Variants in CNTN5 observed in about 807,000 individuals in gnomAD.
The protein encoded by CNTN5 is contactin-5.
A neutral mutation model predicts 129.1 loss-of-function variants in CNTN5; 77 were observed. The observed-to-expected ratio is 0.60, with a 90% confidence interval of 0.50 to 0.72. CNTN5 has a LOEUF of 0.72. Ranked by LOEUF, CNTN5 falls within the 30% of genes least tolerant of loss-of-function variation. The pLI is 0.00. For missense variants in CNTN5, 1,478 were observed against 1,328.8 expected (o/e 1.11, Z -1.75); for synonymous variants, 509 against 465.6 (o/e 1.09, Z -1.20).
At chr11:100,277,998 A>G (rs760935810) in intron 18 of CNTN5, among the ~76,000 whole-genome samples, 5 of 152,098 alleles carry the variant, frequency 3.3e-5, no homozygotes, top group African/African-American at 7.2e-5. Flanking sequence ...ATGGCAAGGT[A>G]TAAGAGTCTA....
chr11:100,257,697 CCTGA>C (rs1950104771), intron 17 of CNTN5, among the ~76,000 whole-genome samples: 1 of 152,066 alleles, frequency 6.6e-6, no homozygotes, highest in African/African-American at 2.4e-5. Flanking sequence ...AGCAGAGGGA[CCTGA>C]CTATTAGAAG....
At position 99,858,986 on chromosome 11, in the gene CNTN5, A is replaced by C. The variant is rs1020451763; in HGVS notation, c.577+13724A>C. ...TATTTACATTTCTAAACATTTGAAC[A>C]TTAGGAAACTGTGCCTGAAGGAGGT... On this transcript the variant is annotated intron_variant, in intron 6 of 24. Coordinates refer to ENST00000524871, the MANE Select transcript of CNTN5 (RefSeq NM_014361.4). 3.9e-5 allele frequency among the ~76,000 whole-genome samples: 6 copies of C among 152,154 alleles called. No individual in the cohort carries two copies. The South Asian group carries it at 1.0e-3, about 26-fold the overall frequency.
At chr11:99,818,602 C>T (rs1232267188) in intron 3 of CNTN5, among the ~76,000 whole-genome samples, 1 of 152,154 alleles carries the variant, frequency 6.6e-6, no homozygotes, top group Non-Finnish European at 1.5e-5. Context: ...AGCAAATTGT[C>T]CAGCTTAATT....
chr11:99,842,630 A>G (rs2083614), intron 4 of CNTN5, among the ~76,000 whole-genome samples: 45,489 of 152,100 alleles, frequency 0.3, 7,780 homozygotes, highest in Middle Eastern at 0.45. Context: ...TTAATGTTTA[A>G]GTCATAGTTT....
At chr11:99,222,350 G>A (rs1441224668) in intron 1 of CNTN5, among the ~76,000 whole-genome samples, 3 of 151,780 alleles carry the variant, frequency 2.0e-5, no homozygotes, top group Non-Finnish European at 4.4e-5. Flanking sequence ...AGGAAGAATG[G>A]GGGTTGGGGG....
intron 7 of CNTN5, among the ~76,000 whole-genome samples, chr11:99,933,754 A>G (rs75506179): frequency 1.3e-3 from 194 of 152,336 alleles, no homozygotes; most frequent in Non-Finnish European, 1.9e-3. Context: ...TAATGATAGA[A>G]CCACAGTTAT....
chr11:99,299,537 TAAAC>T (rs1399270116), intron 1 of CNTN5, among the ~76,000 whole-genome samples: 2 of 152,110 alleles, frequency 1.3e-5, no homozygotes, highest in African/African-American at 2.4e-5. Flanking sequence ...TAAAGAAAAA[TAAAC>T]AGAGTCTCAA....
At chr11:99,847,061 A>G (rs2135707360) in intron 6 of CNTN5, among the ~76,000 whole-genome samples, 1 of 152,374 alleles carries the variant, frequency 6.6e-6, no homozygotes, top group East Asian at 1.9e-4. Flanking sequence ...AGATAGATGC[A>G]GAATATCAAG....
chr11:99,082,246 C>T (rs773518480), intron 1 of CNTN5, among the ~76,000 whole-genome samples: 17 of 146,356 alleles, frequency 1.2e-4, no homozygotes, highest in African/African-American at 3.8e-4. Context: ...AGTGCAGTGG[C>T]GTGATGTCTG....
chr11:99,627,745 A>C (rs898014088), intron 3 of CNTN5, among the ~76,000 whole-genome samples: 2 of 151,916 alleles, frequency 1.3e-5, no homozygotes, highest in African/African-American at 4.8e-5. Flanking sequence ...GGTCTTTAAT[A>C]TCTGGGCCAG....
At chr11:100,301,175 C>T (rs1489476712) in intron 20 of CNTN5, among the ~76,000 whole-genome samples, 1 of 151,480 alleles carries the variant, frequency 6.6e-6, no homozygotes, top group Non-Finnish European at 1.5e-5. Context: ...TATTCTTTTT[C>T]CTTTTAAAAT....
At chr11:99,486,912 T>G (rs913062340) in intron 2 of CNTN5, among the ~76,000 whole-genome samples, 1 of 152,184 alleles carries the variant, frequency 6.6e-6, no homozygotes, top group African/African-American at 2.4e-5. Flanking sequence ...ATAAGGCTTA[T>G]AGACAGTGAG....
intron 8 of CNTN5, among the ~76,000 whole-genome samples, chr11:99,971,704 T>G (rs867547724): frequency 1.3e-5 from 2 of 151,956 alleles, no homozygotes; most frequent in African/African-American, 2.4e-5. Flanking sequence ...TCCCACAGAT[T>G]GAAATTATAT....
chr11:100,193,470 G>T lies in CNTN5; in HGVS notation c.1709-18G>T, dbSNP rs78196416. The T allele has an allele frequency of 7.0e-7, 1 of 1,432,030 alleles. No homozygotes were observed. The highest frequency in any genetic ancestry group is 9.5e-7 in the Non-Finnish European group (1 of 1,057,104). The allele number at this position is 1,432,030 out of a possible 1,614,324, so 88.7% of individuals were successfully genotyped here. A position where few individuals can be genotyped will look rare whatever the true frequency, so the allele number is the denominator to read the frequency against. ...CAACAGGTTGATTATCTTAATTAACGTATTTTTATTTCTATAGAACCTACA... is the reference window on the plus strand; with the variant it reads ...CAACAGGTTGATTATCTTAATTAACTTATTTTTATTTCTATAGAACCTACA... On this transcript the variant is annotated intron_variant, in intron 14 of 24. Transcript: ENST00000524871.
chr11:99,951,341 A>G (rs946241617), intron 7 of CNTN5, among the ~76,000 whole-genome samples: 2 of 151,548 alleles, frequency 1.3e-5, no homozygotes, highest in Admixed American at 6.6e-5. Flanking sequence ...GCTCTATCTG[A>G]TATTTTCATA....
At chr11:99,894,923 T>C (rs1230787363) in intron 6 of CNTN5, among the ~76,000 whole-genome samples, 1 of 152,210 alleles carries the variant, frequency 6.6e-6, no homozygotes, top group Non-Finnish European at 1.5e-5. Context: ...ACCATCACCA[T>C]CAGTGCTACT....
intron 6 of CNTN5, among the ~76,000 whole-genome samples, chr11:99,880,818 A>AT (rs1037003818): frequency 3.7e-4 from 57 of 152,288 alleles, no homozygotes; most frequent in African/African-American, 1.4e-3. Context: ...AGGAAATATT[A>AT]TTTTGGAGAT....
At chr11:99,810,995 T>G (rs1023426243) in intron 3 of CNTN5, among the ~76,000 whole-genome samples, 2 of 152,112 alleles carry the variant, frequency 1.3e-5, no homozygotes, top group Admixed American at 6.6e-5. Context: ...CACACATCAT[T>G]TGGTACTATA....
intron 13 of CNTN5, among the ~76,000 whole-genome samples, chr11:100,180,140 A>C (rs922511664): frequency 1.3e-5 from 2 of 152,042 alleles, no homozygotes; most frequent in Non-Finnish European, 2.9e-5. Context: ...CATGAGAATC[A>C]AGATGCAAAA....
Sources: gnomAD v4.1 joint callset for allele counts (sites outside exome capture counted in the v4.1 genomes callset) on GRCh38, gnomAD v4.1.1 for gene constraint, MANE v1.5 for transcripts, NCBI Gene and HGNC (gene_info 2026-07-23, HGNC 2026-07-21) for gene names.